Variants in MPPED1 observed in about 807,000 individuals in gnomAD.
MPPED1 encodes the protein metallophosphoesterase domain-containing protein 1.
MPPED1 carries 16 observed loss-of-function variants against 36.2 expected under a neutral mutation model. The observed-to-expected ratio is 0.44, with a 90% CI of 0.30 to 0.67. The LOEUF (loss-of-function observed/expected upper bound fraction) is 0.67, where lower values mean the gene tolerates loss of function less well. MPPED1 is among the 30% of genes least tolerant of loss of function. MPPED1 has a pLI of 0.10. For missense variants in MPPED1, 307 were observed against 453.4 expected (o/e 0.68, Z 2.93); for synonymous variants, 199 against 191.3 (o/e 1.04, Z -0.33).
intron 1 of MPPED1, among the ~76,000 whole-genome samples, chr22:43,419,621 T>C (rs887299042): frequency 1.3e-5 from 2 of 151,834 alleles, no homozygotes; most frequent in African/African-American, 4.8e-5. Flanking sequence ...GGGTGCTGGG[T>C]GTGCCAGAGG....
chr22:43,432,379 G>C (rs1233999739), intron 2 of MPPED1, among the ~76,000 whole-genome samples: 1 of 124,686 alleles, frequency 8.0e-6, no homozygotes, highest in South Asian at 2.8e-4. Flanking sequence ...GAGAGAAAGG[G>C]AGGAGAGAGA....
chr22:43,468,196 G>C (rs530816378), intron 3 of MPPED1, among the ~76,000 whole-genome samples: 1 of 152,354 alleles, frequency 6.6e-6, no homozygotes, highest in East Asian at 1.9e-4. Flanking sequence ...CAAATGCCAG[G>C]ATGTTGAATG....
intron 3 of MPPED1, among the ~76,000 whole-genome samples, chr22:43,437,687 T>C (rs956975722): frequency 1.3e-5 from 2 of 152,170 alleles, no homozygotes; most frequent in African/African-American, 4.8e-5. Context: ...AAGGGGGCGG[T>C]TAGGCTCCCC....
chr22:43,436,397 G>C (rs1399387491), intron 3 of MPPED1, among the ~76,000 whole-genome samples: 4 of 152,250 alleles, frequency 2.6e-5, no homozygotes, highest in Non-Finnish European at 5.9e-5. Context: ...CAGGAGTGAG[G>C]CAGGGCAGCC....
chr22:43,437,436 C>A (rs1286537235), intron 3 of MPPED1, among the ~76,000 whole-genome samples: 2 of 152,176 alleles, frequency 1.3e-5, no homozygotes, highest in Admixed American at 1.3e-4. Context: ...AGAAGTGAAG[C>A]CACTTACCCA....
In MPPED1 at chr22:43,424,944, G is replaced by GGCGGCA. The variant is rs1240845488; in HGVS notation, c.-37_-32dup. On this transcript the variant is annotated 5_prime_UTR_variant, in exon 2 of 7. Coordinates refer to ENST00000443721, the MANE Select transcript of MPPED1 (RefSeq NM_001044370.2). ...GTCTGGCGGGGGGCCGGGCTGCGGT[G>GGCGGCA]GCGGCAGCGGTGGGAGATGCCGGGG... is the stretch of plus-strand genomic sequence containing the variant. The GGCGGCA allele has an allele frequency of 6.5e-7, 1 of 1,546,034 alleles. No homozygotes were observed. The highest frequency in any genetic ancestry group is 8.7e-7 in the Non-Finnish European group (1 of 1,147,432).
rs777503971 is a variant in MPPED1, at chr22:43,425,129, C to T, written c.144C>T (p.Asp48=). 43 of 1,613,740 alleles carry T rather than the reference C, an allele frequency of 2.7e-5. No individual in the cohort carries two copies. In the Admixed American group the frequency reaches 3.3e-4, roughly 13 times the overall value. The change falls in exon 2 of 7, where the codon GAC becomes GAT. Residue 48 remains aspartate, a synonymous_variant. Coordinates refer to ENST00000443721, the MANE Select transcript of MPPED1 (RefSeq NM_001044370.2). ...HQHSRLIIEV[D]EYSSNPTQAF... is the part of the protein sequence containing the mutation. ...ACAGCCGGCTCATCATCGAGGTGGA[C>T]GAGTACAGCTCCAACCCCACCCAGG...
intron 4 of MPPED1, among the ~76,000 whole-genome samples, chr22:43,493,417 C>T (rs1932161843): frequency 6.6e-6 from 1 of 152,188 alleles, no homozygotes; most frequent in Non-Finnish European, 1.5e-5. Context: ...TAAGTGGCAG[C>T]CTTGAGCACT....
intron 4 of MPPED1, among the ~76,000 whole-genome samples, chr22:43,483,410 G>A (rs762635833): frequency 1.3e-5 from 2 of 152,216 alleles, no homozygotes; most frequent in Non-Finnish European, 2.9e-5. Context: ...GCTCCACCCA[G>A]GATTCAAGGC....
At chr22:43,412,221 C>A in intron 1 of MPPED1, 63 bp downstream of exon 1, 1 of 903,774 alleles carries the variant, frequency 1.1e-6, no homozygotes, top group South Asian at 4.9e-5. Flanking sequence ...GGGGCGCGGC[C>A]GGGACCCTCT....
intron 3 of MPPED1, among the ~76,000 whole-genome samples, chr22:43,464,718 C>G (rs750970742): frequency 2.0e-5 from 3 of 152,202 alleles, no homozygotes; most frequent in Non-Finnish European, 2.9e-5. Flanking sequence ...CCCCCTGGGA[C>G]TCTGGCCACA....
At chr22:43,449,124 A>G (rs1323959222) in intron 3 of MPPED1, among the ~76,000 whole-genome samples, 1 of 152,152 alleles carries the variant, frequency 6.6e-6, no homozygotes, top group Admixed American at 6.6e-5. Flanking sequence ...TTTACATCCT[A>G]CGTTTCATAT....
intron 5 of MPPED1, among the ~76,000 whole-genome samples, chr22:43,500,154 G>A (rs376870590): frequency 0.4 from 15,444 of 38,716 alleles, 4,069 homozygotes; most frequent in African/African-American, 0.73. Context: ...GGTGGGGGTG[G>A]TGGTGGTGAT....
At chr22:43,457,865 A>G (rs1448899486) in intron 3 of MPPED1, among the ~76,000 whole-genome samples, 3 of 152,236 alleles carry the variant, frequency 2.0e-5, no homozygotes, top group Non-Finnish European at 4.4e-5. Flanking sequence ...TAAGCTCATT[A>G]ACACAGTTTT....
At chr22:43,478,772 G>T (rs1008185478) in intron 4 of MPPED1, among the ~76,000 whole-genome samples, 1 of 152,168 alleles carries the variant, frequency 6.6e-6, no homozygotes, top group Non-Finnish European at 1.5e-5. Flanking sequence ...TCCACCCACC[G>T]TGCTGCTGGT....
intron 3 of MPPED1, among the ~76,000 whole-genome samples, chr22:43,463,788 G>T (rs1931040276): frequency 7.4e-6 from 1 of 134,980 alleles, no homozygotes; most frequent in African/African-American, 2.7e-5. Context: ...TTTCACTGTG[G>T]TTGATTTTTC....
At chr22:43,412,529 G>A (rs1463143644) in intron 1 of MPPED1, among the ~76,000 whole-genome samples, 2 of 152,210 alleles carry the variant, frequency 1.3e-5, no homozygotes, top group Admixed American at 1.3e-4. Flanking sequence ...CGCTTGTAGA[G>A]AGCCTACTGT....
intron 3 of MPPED1, among the ~76,000 whole-genome samples, chr22:43,449,963 A>G (rs550446457): frequency 6.2e-4 from 95 of 152,270 alleles, no homozygotes; most frequent in African/African-American, 2.0e-3. Flanking sequence ...AGCTGGAGAG[A>G]TGGGGCTGCA....
Position 43,502,657 on chromosome 22 carries a change from G to C in MPPED1, c.762G>C (p.Trp254Cys). ...THGPPLGFLD[W>C]VPKKMQRVGC... Reference sequence around the variant, plus strand: ...CCCCCATACCAGGCTTCCTGGACTGGGTCCCCAAGAAGATGCAGCGGGTGG... The same window carrying C: ...CCCCCATACCAGGCTTCCTGGACTGCGTCCCCAAGAAGATGCAGCGGGTGG... The change falls in exon 6 of 7, where the codon TGG (tryptophan) becomes TGC (cysteine). Residue 254 changes from tryptophan (W) to cysteine (C), a missense_variant. Trp to Cys is a radical substitution (Grantham distance 215). Around this residue, in one of 3 missense-constraint regions of MPPED1, gnomAD observed 132 missense variants for 212.3 expected, o/e 0.62. Transcript: ENST00000443721. This position sits in a 1 kb window ranked among gnomAD's most constrained non-coding sequence, Gnocchi z 5.5. The C allele has an allele frequency of 1.2e-6, 2 of 1,613,238 alleles. No individual in the cohort carries two copies. The highest frequency in any genetic ancestry group is 1.7e-6 in the Non-Finnish European group (2 of 1,179,818).
Sources: gnomAD v4.1 joint callset for allele counts (sites outside exome capture counted in the v4.1 genomes callset) on GRCh38, gnomAD v4.1.1 for gene constraint, gnomAD v4.1.1 regional missense constraint, Gnocchi (gnomAD v3.1) non-coding constraint, MANE v1.5 for transcripts, NCBI Gene and HGNC (gene_info 2026-07-23, HGNC 2026-07-21) for gene names.